FXYD3: variants seen among roughly 807,000 people sequenced by gnomAD.
FXYD3 encodes the protein FXYD domain containing ion transport regulator 3, also known as FXYD domain-containing ion transport regulator 3.
In FXYD3, 13 loss-of-function variants were observed where a neutral mutation model predicts 19.2. That is an observed-to-expected ratio of 0.68 (90% CI 0.44 to 1.08). The LOEUF (loss-of-function observed/expected upper bound fraction) is 1.08, where lower values mean the gene tolerates loss of function less well. Ranked by LOEUF, FXYD3 falls within the 50% of genes least tolerant of loss-of-function variation. FXYD3 has a pLI of 0.00. For synonymous variants in FXYD3, 48 were observed against 38.9 expected (o/e 1.23, Z -0.87); for missense variants, 101 against 109.4 (o/e 0.92, Z 0.34).
intron 3 of FXYD3, among the ~76,000 whole-genome samples, chr19:35,120,341 T>C (rs1465695495): frequency 6.6e-6 from 1 of 152,128 alleles, no homozygotes; most frequent in African/African-American, 2.4e-5. Flanking sequence ...GGTTTCACCA[T>C]ATTGGCCAGG....
Position 35,123,552 on chromosome 19 carries a change from C to A in FXYD3, c.*95C>A. The A allele has an allele frequency of 7.5e-7, 1 of 1,335,900 alleles. No individual in the cohort carries two copies. Among genetic ancestry groups the A allele is most frequent in the Non-Finnish European group, 1.1e-6 (1 of 932,882 alleles). 82.8% of individuals were successfully genotyped at this position (1,335,900 alleles called of 1,614,324 possible). ...CTTGAACTCCAGGATGGAATTCTTCCTCCTCTGCTGGGACTCCTTTGCATG... is the reference window on the plus strand; with the variant it reads ...CTTGAACTCCAGGATGGAATTCTTCATCCTCTGCTGGGACTCCTTTGCATG... On this transcript the variant is annotated 3_prime_UTR_variant, in exon 9 of 9. Transcript: ENST00000604404.
In FXYD3 at chr19:35,121,214, C is replaced by G. The variant is rs1029181400; in HGVS notation, c.74-8C>G. ...CCTGGATTCATGATCTTTTTTCTTT[C>G]CTTGCAGATAAAAACAGTCCTTTCT... On this transcript the variant is annotated splice_region_variant and splice_polypyrimidine_tract_variant and intron_variant, in intron 4 of 8. Coordinates refer to ENST00000604404, the MANE Select transcript of FXYD3 (RefSeq NM_005971.4). 16 of 1,613,340 alleles carry G rather than the reference C, an allele frequency of 9.9e-6. No individual in the cohort carries two copies. Among genetic ancestry groups the G allele is most frequent in the African/African-American group, 1.3e-5 (1 of 74,870 alleles).
intron 2 of FXYD3, among the ~76,000 whole-genome samples, chr19:35,117,623 A>G (rs2064922424): frequency 6.6e-6 from 1 of 151,712 alleles, no homozygotes; most frequent in Non-Finnish European, 1.5e-5. Context: ...GTCCACCTAC[A>G]ACCTGTGCCC....
intron 2 of FXYD3, 101 bp from the exon 3 acceptor site, chr19:35,119,262 C>T: frequency 5.0e-6 from 8 of 1,612,058 alleles, no homozygotes; most frequent in Non-Finnish European, 6.8e-6. Context: ...GTGAGCTGCG[C>T]ACCCTGCCTG....
intron 2 of FXYD3, chr19:35,118,425 C>A: frequency 1.0e-6 from 1 of 962,712 alleles, no homozygotes; most frequent in Non-Finnish European, 1.2e-6. Context: ...AGGGCAGGGA[C>A]AGGGCAGGGG....
chr19:35,116,887 TG>T, intron 2 of FXYD3: 1 of 967,504 alleles, frequency 1.0e-6, no homozygotes, highest in Non-Finnish European at 1.2e-6. Context: ...ATGGAGCTGC[TG>T]GGGGAAGCTT....
At chr19:35,116,633 A>C in intron 2 of FXYD3, 5 of 985,258 alleles carry the variant, frequency 5.1e-6, no homozygotes, top group Non-Finnish European at 6.0e-6. Flanking sequence ...TAGTGTCTGC[A>C]TGGATTAGGG....
intron 5 of FXYD3, chr19:35,121,485 G>T: frequency 3.5e-6 from 5 of 1,441,328 alleles, no homozygotes; most frequent in Middle Eastern, 5.0e-4. Flanking sequence ...CAGTTTGCAA[G>T]AAGCCATTGG....
In FXYD3 at chr19:35,117,309, G is replaced by T. The variant is rs749659467; in HGVS notation, c.-15+950G>T. On this transcript the variant is annotated intron_variant, in intron 2 of 8. Coordinates refer to ENST00000604404, the MANE Select transcript of FXYD3 (RefSeq NM_005971.4). Reference sequence around the variant, plus strand: ...TCAGTCTTGGCTGGATGACATCATGGGAAGGGGGTATAGTGGGGCCTTGCA... The same window carrying T: ...TCAGTCTTGGCTGGATGACATCATGTGAAGGGGGTATAGTGGGGCCTTGCA... 1.1e-5 allele frequency: 16 copies of T among 1,510,376 alleles called. No individual in the cohort carries two copies. In the South Asian group the frequency reaches 2.1e-4, roughly 20 times the overall value. 93.6% of individuals were successfully genotyped at this position (1,510,376 alleles called of 1,614,324 possible).
chr19:35,120,143 C>T (rs1401003160), intron 3 of FXYD3, among the ~76,000 whole-genome samples: 5 of 143,458 alleles, frequency 3.5e-5, no homozygotes, highest in Non-Finnish European at 7.6e-5. Flanking sequence ...TTTTTCTTTT[C>T]TTTTTTTTTT....
intron 3 of FXYD3, chr19:35,119,773 C>T (rs1382634416): frequency 1.7e-5 from 5 of 301,164 alleles, no homozygotes; most frequent in Non-Finnish European, 3.1e-5. Context: ...TGGGGTCAAG[C>T]GATCCTACTC....
intron 2 of FXYD3, 56 bp downstream of exon 2, chr19:35,116,415 G>A: frequency 1.0e-6 from 1 of 964,304 alleles, no homozygotes; most frequent in Non-Finnish European, 1.2e-6. Context: ...CCTAAATTAG[G>A]AAGTATCTAC....
rs768167015 is a variant in FXYD3 at position 35,122,769 on chromosome 19, GCACAGCCTC to G, written c.105_113del (p.His35_Leu37del). ...TCCCCTCCACTTTCCTCCTAGACTG[GCACAGCCTC>G]CAGGTTGGCGGGCTCATCTGCGCTG... On this transcript the variant is annotated inframe_deletion, in exon 6 of 9. Transcript: ENST00000604404. 6.2e-7 allele frequency: 1 copy of G among 1,612,922 alleles called. No homozygotes were observed. The highest frequency in any genetic ancestry group is 1.7e-5 in the Admixed American group (1 of 60,020).
At chr19:35,123,191 T>C in intron 7 of FXYD3, 80 bp from the exon 8 acceptor site, 1 of 1,518,906 alleles carries the variant, frequency 6.6e-7, no homozygotes. Context: ...AAGACATGTC[T>C]GGGCAGGCTA....
chr19:35,123,501 C>T lies in FXYD3; in HGVS notation c.*44C>T, dbSNP rs2065099371. 11 of 1,607,314 alleles carry T rather than the reference C, an allele frequency of 6.8e-6. No individual in the cohort carries two copies. In the East Asian group the frequency reaches 2.0e-4, roughly 29 times the overall value. ...AATTGGGTGGAGGACCGTTCTCTGT[C>T]CCCAGGTCCTGTCTCTGCACAGAAA... is the stretch of plus-strand genomic sequence containing the variant. On this transcript the variant is annotated 3_prime_UTR_variant, in exon 9 of 9. Coordinates refer to ENST00000604404, the MANE Select transcript of FXYD3 (RefSeq NM_005971.4).
chr19:35,119,843 G>T (rs756895262), intron 3 of FXYD3: 4 of 179,744 alleles, frequency 2.2e-5, no homozygotes, highest in Non-Finnish European at 4.6e-5. Context: ...GTGCATTTTT[G>T]ATTTTTTGCA....
intron 3 of FXYD3, chr19:35,119,648 TTTTTGGC>T (rs1344867111): frequency 2.1e-6 from 1 of 480,166 alleles, no homozygotes; most frequent in Non-Finnish European, 3.6e-6. Flanking sequence ...CTCTTCTTTT[TTTTTGGC>T]TTTTTTTGTT....
chr19:35,123,527 C>A lies in FXYD3; in HGVS notation c.*70C>A, dbSNP rs377297118. The A allele has an allele frequency of 1.6e-5, 24 of 1,538,704 alleles. No homozygotes were observed. The African/African-American group carries it at 3.1e-4, about 20-fold the overall frequency. Reference sequence around the variant, plus strand: ...CCCAGGTCCTGTCTCTGCACAGAAACTTGAACTCCAGGATGGAATTCTTCC... The same window carrying A: ...CCCAGGTCCTGTCTCTGCACAGAAAATTGAACTCCAGGATGGAATTCTTCC... On this transcript the variant is annotated 3_prime_UTR_variant, in exon 9 of 9. Coordinates refer to ENST00000604404, the MANE Select transcript of FXYD3 (RefSeq NM_005971.4).
At position 35,116,277 on chromosome 19, in the gene FXYD3, G is replaced by C. The variant is rs974374629; in HGVS notation, c.-97G>C. Reference sequence around the variant, plus strand: ...CTACCTGCCCAGGTTTGCTTAGGGCGTGGCAGCTTCGGATAAACGCAGGAC... The same window carrying C: ...CTACCTGCCCAGGTTTGCTTAGGGCCTGGCAGCTTCGGATAAACGCAGGAC... On this transcript the variant is annotated 5_prime_UTR_variant, in exon 2 of 9. Transcript: ENST00000604404. 1.0e-6 allele frequency: 1 copy of C among 985,432 alleles called. No homozygotes were observed. The allele number at this position is 985,432 out of a possible 1,614,324, so 61.0% of individuals were successfully genotyped here. A position where few individuals can be genotyped will look rare whatever the true frequency, so the allele number is the denominator to read the frequency against.
Sources: allele counts gnomAD v4.1 joint callset (sites outside exome capture counted in the v4.1 genomes callset), GRCh38; gene constraint gnomAD v4.1.1; transcripts MANE v1.5; gene names NCBI Gene and HGNC (gene_info 2026-07-23, HGNC 2026-07-21).